The following FOXP2 variants were observed in gnomAD, a reference collection of about 807,000 sequenced individuals.
FOXP2 encodes the protein forkhead box P2.
In FOXP2, 12 loss-of-function variants were observed where a neutral mutation model predicts 115.8. That is an observed-to-expected ratio of 0.10 (90% CI 0.07 to 0.17). The LOEUF (loss-of-function observed/expected upper bound fraction) is 0.17. Among genes scored for constraint, FOXP2 ranks in the 10% least tolerant of loss-of-function variants. The probability of loss-of-function intolerance (pLI) is 1.00; values close to 1 mark genes in which losing one functional copy is unlikely to be tolerated. For missense variants in FOXP2, 629 were observed against 843.5 expected (o/e 0.75, Z 3.15); for synonymous variants, 328 against 297.7 (o/e 1.10, Z -1.05).
At chr7:114,098,528 G>T (rs924047254) in intron 1 of FOXP2, among the ~76,000 whole-genome samples, 4 of 152,094 alleles carry the variant, frequency 2.6e-5, no homozygotes, top group African/African-American at 4.8e-5. Context: ...GCATGCAAAA[G>T]AATGAAATTG....
At chr7:114,580,567 T>C (rs544778224) in intron 3 of FOXP2, among the ~76,000 whole-genome samples, 1 of 151,918 alleles carries the variant, frequency 6.6e-6, no homozygotes, top group South Asian at 2.1e-4. Flanking sequence ...GGCAACAGAG[T>C]GCGACTCTGT....
chr7:114,241,893 C>G (rs1354516112), intron 1 of FOXP2, among the ~76,000 whole-genome samples: 2 of 151,390 alleles, frequency 1.3e-5, no homozygotes. Context: ...TTTCTTTCCC[C>G]CAACTAAAAC....
At chr7:114,257,312 T>G (rs1261607276) in intron 1 of FOXP2, among the ~76,000 whole-genome samples, 2 of 152,052 alleles carry the variant, frequency 1.3e-5, no homozygotes, top group Non-Finnish European at 2.9e-5. Flanking sequence ...ATTAAAGACT[T>G]AAATGTAAAA....
intron 1 of FOXP2, among the ~76,000 whole-genome samples, chr7:114,268,387 G>A (rs1458647028): frequency 6.6e-6 from 1 of 151,912 alleles, no homozygotes; most frequent in Non-Finnish European, 1.5e-5. Flanking sequence ...ATAATATTAG[G>A]GCATATTAGA....
intron 2 of FOXP2, among the ~76,000 whole-genome samples, chr7:114,464,145 C>T (rs1795704970): frequency 6.6e-6 from 1 of 152,016 alleles, no homozygotes; most frequent in South Asian, 2.1e-4. Flanking sequence ...AAACTGCAGT[C>T]TGGAAATTTT....
chr7:114,096,244 C>A (rs1214548790), intron 1 of FOXP2, among the ~76,000 whole-genome samples: 1 of 152,160 alleles, frequency 6.6e-6, no homozygotes, highest in Admixed American at 6.5e-5. Flanking sequence ...AATACTCATA[C>A]ATTTCAATAC....
chr7:114,568,038 G>A (rs1336616586), intron 3 of FOXP2, among the ~76,000 whole-genome samples: 1 of 152,038 alleles, frequency 6.6e-6, no homozygotes, highest in Non-Finnish European at 1.5e-5. Context: ...CTTCAGTAAA[G>A]TTTAGATTAA....
At chr7:114,255,487 AC>A in intron 1 of FOXP2, among the ~76,000 whole-genome samples, 1 of 152,298 alleles carries the variant, frequency 6.6e-6, no homozygotes, top group South Asian at 2.1e-4. Flanking sequence ...AGACTCAGCA[AC>A]TGCGGGGGCG....
intron 10 of FOXP2, chr7:114,656,341 C>T: frequency 1.1e-5 from 2 of 175,044 alleles, no homozygotes; most frequent in South Asian, 8.7e-5. Flanking sequence ...TGGGGAAATA[C>T]TTTTCTTTTC....
At chr7:114,499,894 T>C (rs559129302) in intron 2 of FOXP2, among the ~76,000 whole-genome samples, 2 of 152,102 alleles carry the variant, frequency 1.3e-5, no homozygotes, top group Non-Finnish European at 2.9e-5. Flanking sequence ...AGGATTAATA[T>C]AGTTTTGGGT....
intron 16 of FOXP2, among the ~76,000 whole-genome samples, chr7:114,681,069 C>T (rs1028550095): frequency 6.6e-6 from 1 of 152,100 alleles, no homozygotes; most frequent in African/African-American, 2.4e-5. Context: ...TGCTGCTTTT[C>T]TTAGGACACT....
intron 3 of FOXP2, among the ~76,000 whole-genome samples, chr7:114,536,078 T>G (rs987605894): frequency 1.5e-4 from 22 of 151,492 alleles, no homozygotes; most frequent in Non-Finnish European, 3.1e-4. Flanking sequence ...AGAGAAAAAT[T>G]TACATAGAAG....
At chr7:114,506,776 G>A in intron 2 of FOXP2, among the ~76,000 whole-genome samples, 1 of 151,608 alleles carries the variant, frequency 6.6e-6, no homozygotes, top group East Asian at 1.9e-4. Context: ...CTCCAGAACT[G>A]GCCTGATTTC....
chr7:114,308,534 G>C (rs1227486568), intron 2 of FOXP2, among the ~76,000 whole-genome samples: 1 of 152,062 alleles, frequency 6.6e-6, no homozygotes, highest in Admixed American at 6.5e-5. Context: ...CCCTTTTAAG[G>C]GACAGCTGCA....
chr7:114,267,752 TAA>T (rs2129172301), intron 1 of FOXP2, among the ~76,000 whole-genome samples: 1 of 143,316 alleles, frequency 7.0e-6, no homozygotes, highest in African/African-American at 2.7e-5. Flanking sequence ...AATAAATAAA[TAA>T]ATAAATAAAT....
At chr7:114,396,184 C>A (rs1435299019) in intron 2 of FOXP2, among the ~76,000 whole-genome samples, 1 of 151,958 alleles carries the variant, frequency 6.6e-6, no homozygotes, top group African/African-American at 2.4e-5. Flanking sequence ...TTTGCAGCCT[C>A]TGGTAACCAT....
At chr7:114,287,489 C>T (rs938003573) in intron 1 of FOXP2, among the ~76,000 whole-genome samples, 9 of 151,900 alleles carry the variant, frequency 5.9e-5, no homozygotes, top group East Asian at 1.9e-4. Flanking sequence ...GTAGTTGAAT[C>T]GGAAATGGAT....
At chr7:114,249,413 G>C (rs1562835643) in intron 1 of FOXP2, among the ~76,000 whole-genome samples, 1 of 151,360 alleles carries the variant, frequency 6.6e-6, no homozygotes, top group Non-Finnish European at 1.5e-5. Context: ...CCCTCCCTGT[G>C]TCCAGGTGTT....
intron 1 of FOXP2, among the ~76,000 whole-genome samples, chr7:114,273,129 T>C (rs1261353557): frequency 6.6e-6 from 1 of 152,038 alleles, no homozygotes. Context: ...CACATTTTGA[T>C]AAGTTATATT....
Sources: allele counts gnomAD v4.1 joint callset (sites outside exome capture counted in the v4.1 genomes callset), GRCh38; gene constraint gnomAD v4.1.1; transcripts MANE v1.5; gene names NCBI Gene and HGNC (gene_info 2026-07-23, HGNC 2026-07-21).